The following OCA2 variants were observed in gnomAD, a reference collection of about 807,000 sequenced individuals.
The protein encoded by OCA2 is OCA2 melanosomal transmembrane protein, also known as P protein.
A neutral mutation model predicts 100.2 loss-of-function variants in OCA2; 77 were observed. The observed-to-expected ratio is 0.77, with a 90% confidence interval of 0.64 to 0.93. The LOEUF (loss-of-function observed/expected upper bound fraction) is 0.93. OCA2 is among the 40% of genes least tolerant of loss of function. The probability of loss-of-function intolerance (pLI) is 0.00; values close to 1 mark genes in which losing one functional copy is unlikely to be tolerated. For synonymous variants in OCA2, 432 were observed against 439.2 expected (o/e 0.98, Z 0.21); for missense variants, 1,062 against 1,089.1 (o/e 0.98, Z 0.35).
At chr15:28,075,280 A>C (rs192189725) in intron 2 of OCA2, among the ~76,000 whole-genome samples, 1 of 152,332 alleles carries the variant, frequency 6.6e-6, no homozygotes, top group East Asian at 1.9e-4. Flanking sequence ...TTTTATAAAA[A>C]AAAGTTGTGT....
chr15:27,899,607 T>C lies in OCA2; in HGVS notation c.2079+26520A>G, dbSNP rs114875417. 3.2e-3 allele frequency among the ~76,000 whole-genome samples: 486 copies of C among 152,324 alleles called. 2 individuals carry two copies. Among genetic ancestry groups the C allele is most frequent in the African/African-American group, 0.011 (469 of 41,570 alleles). ...AGTCCTTGGTTTCTCACTCAGTTCC[T>C]TTGACAAGGAGGTTATTCTACAGCG... On this transcript the variant is annotated intron_variant, in intron 19 of 23. Transcript: ENST00000354638.
At chr15:28,049,493 G>T (rs2043444000) in intron 2 of OCA2, among the ~76,000 whole-genome samples, 1 of 152,138 alleles carries the variant, frequency 6.6e-6, no homozygotes, top group African/African-American at 2.4e-5. Flanking sequence ...ATAATGGAAA[G>T]CAGGGACTCA....
chr15:27,723,930 A>G, the OCA2 span, among the ~76,000 whole-genome samples: 1 of 152,020 alleles, frequency 6.6e-6, no homozygotes, highest in African/African-American at 2.4e-5. Context: ...CCTCCTCACA[A>G]TGCCTCCTCT....
the OCA2 span, among the ~76,000 whole-genome samples, chr15:27,719,592 T>G: frequency 1.3e-5 from 2 of 152,196 alleles, no homozygotes. Context: ...TTTAGCAATA[T>G]CTTAAAAAGT....
intron 21 of OCA2, among the ~76,000 whole-genome samples, chr15:27,870,237 G>T (rs4365246): frequency 0.35 from 53,051 of 152,096 alleles, 9,582 homozygotes; most frequent in Middle Eastern, 0.51. Flanking sequence ...CTGCGGGGAA[G>T]GGGGAGACCC....
intron 1 of OCA2, among the ~76,000 whole-genome samples, chr15:28,098,889 G>A (rs2045033350): frequency 1.3e-5 from 2 of 152,240 alleles, no homozygotes; most frequent in African/African-American, 4.8e-5. Flanking sequence ...AGTGCCAGAT[G>A]CTGCCCTGGA....
intron 1 of OCA2, among the ~76,000 whole-genome samples, chr15:28,082,278 A>G (rs2141904654): frequency 6.6e-6 from 1 of 152,304 alleles, no homozygotes; most frequent in South Asian, 2.1e-4. Flanking sequence ...ATAAGGGAAT[A>G]AAAGGCTGGC....
intron 9 of OCA2, among the ~76,000 whole-genome samples, chr15:27,993,895 A>T (rs1244939301): frequency 6.6e-6 from 1 of 152,226 alleles, no homozygotes; most frequent in Non-Finnish European, 1.5e-5. Context: ...AGGATGTGGA[A>T]TAAAACTTTT....
At chr15:27,903,474 T>C (rs772203031) in intron 19 of OCA2, among the ~76,000 whole-genome samples, 2 of 152,172 alleles carry the variant, frequency 1.3e-5, no homozygotes, top group African/African-American at 2.4e-5. Flanking sequence ...GGAGGCACTT[T>C]CTTTTTGTTT....
intron 19 of OCA2, among the ~76,000 whole-genome samples, chr15:27,886,279 C>A (rs2151570210): frequency 6.6e-6 from 1 of 152,282 alleles, no homozygotes. Context: ...ATGCTGCTAT[C>A]AAAAGCACCA....
intron 6 of OCA2, among the ~76,000 whole-genome samples, chr15:28,019,808 G>T (rs74682908): frequency 2.2e-4 from 33 of 152,272 alleles, no homozygotes; most frequent in Non-Finnish European, 5.9e-5. Context: ...ATCACCTTGT[G>T]GGGGGCAGGG....
intron 23 of OCA2, among the ~76,000 whole-genome samples, chr15:27,840,897 G>A (rs945463887): frequency 2.0e-5 from 3 of 152,242 alleles, no homozygotes; most frequent in East Asian, 1.9e-4. Flanking sequence ...TCATGCTTTT[G>A]ACACCAAAAA....
At chr15:27,958,914 C>G (rs181433067) in intron 15 of OCA2, among the ~76,000 whole-genome samples, 2 of 152,070 alleles carry the variant, frequency 1.3e-5, no homozygotes, top group Non-Finnish European at 2.9e-5. Flanking sequence ...GGTGATCACC[C>G]GAAGACCTGG....
intron 19 of OCA2, among the ~76,000 whole-genome samples, chr15:27,898,623 G>A (rs1254740569): frequency 2.0e-5 from 3 of 152,148 alleles, no homozygotes. Flanking sequence ...AATAAAGCCA[G>A]TAACTGAATA....
intron 2 of OCA2, among the ~76,000 whole-genome samples, chr15:28,048,278 T>G (rs2043402392): frequency 6.6e-6 from 1 of 152,196 alleles, no homozygotes; most frequent in Non-Finnish European, 1.5e-5. Context: ...TTCAAGGGGC[T>G]CTGAACAGCC....
chr15:27,918,042 A>G (rs1318088016), intron 19 of OCA2, among the ~76,000 whole-genome samples: 1 of 151,860 alleles, frequency 6.6e-6, no homozygotes, highest in East Asian at 1.9e-4. Flanking sequence ...ACAATGTTAC[A>G]GGACAAGCAA....
chr15:27,774,911 G>A (rs960174195), intron 23 of OCA2, among the ~76,000 whole-genome samples: 2 of 152,158 alleles, frequency 1.3e-5, no homozygotes, highest in Non-Finnish European at 2.9e-5. Context: ...GCTCCCGAAC[G>A]GTACAGAAAT....
At chr15:27,862,782 A>G (rs2151459282) in intron 21 of OCA2, among the ~76,000 whole-genome samples, 1 of 152,294 alleles carries the variant, frequency 6.6e-6, no homozygotes, top group Non-Finnish European at 1.5e-5. Flanking sequence ...GCCTCCTCAG[A>G]CATTTTAAGT....
At chr15:27,821,199 TAG>T (rs2151270844) in intron 23 of OCA2, among the ~76,000 whole-genome samples, 1 of 152,306 alleles carries the variant, frequency 6.6e-6, no homozygotes, top group Non-Finnish European at 1.5e-5. Context: ...TGTTTTGTAT[TAG>T]AGAGGTTATG....
Sources: gnomAD v4.1 joint callset for allele counts (sites outside exome capture counted in the v4.1 genomes callset) on GRCh38, gnomAD v4.1.1 for gene constraint, MANE v1.5 for transcripts, NCBI Gene and HGNC (gene_info 2026-07-23, HGNC 2026-07-21) for gene names.